DST: variants seen among roughly 807,000 people sequenced by gnomAD.
The protein encoded by DST is bullous pemphigoid antigen.
A neutral mutation model predicts 875.2 loss-of-function variants in DST; 253 were observed. The observed-to-expected ratio is 0.29, with a 90% CI of 0.26 to 0.32. The LOEUF (loss-of-function observed/expected upper bound fraction) is 0.32. Among genes scored for constraint, DST ranks in the 10% least tolerant of loss-of-function variants. The pLI, the probability that DST is intolerant of heterozygous loss-of-function variation, is 1.00. For synonymous variants in DST, 3,124 were observed against 3,197.1 expected (o/e 0.98, Z 0.77); for missense variants, 8,287 against 9,111.6 (o/e 0.91, Z 3.68).
At chr6:56,664,747 C>A (rs935920797) in intron 10 of DST, among the ~76,000 whole-genome samples, 5 of 151,982 alleles carry the variant, frequency 3.3e-5, no homozygotes, top group African/African-American at 1.2e-4. Context: ...GATATCTTAC[C>A]AGTTGTGGTT....
At chr6:56,851,142 A>C (rs775670030) in intron 4 of DST, 1 of 520,794 alleles carries the variant, frequency 1.9e-6, no homozygotes. Flanking sequence ...ATGTCTGTAA[A>C]TATTTCCTTG....
In DST at chr6:56,631,933, G is replaced by T. The variant is rs756379041; in HGVS notation, c.3913C>A (p.Leu1305Met). Residue 1305 changes from leucine (L) to methionine (M), a missense_variant, in exon 29 of 104, where the codon CTG becomes ATG. By Grantham distance (15) the Leu-to-Met change is conservative (BLOSUM62 2). Around this residue, in one of 10 missense-constraint regions of DST, gnomAD observed 3,138 missense variants for 3,116.6 expected, o/e 1.01. Coordinates refer to ENST00000680361, the MANE Select transcript of DST (RefSeq NM_001374736.1). ...CTTTCATGCAAATCATCTCTTTCCAGGGGAGTTCGAATCTGTCTAATCAGC... is the reference window on the plus strand; with the variant it reads ...CTTTCATGCAAATCATCTCTTTCCATGGGAGTTCGAATCTGTCTAATCAGC... The part of the protein sequence containing the change: ...DRLIRQIRTP[L>M]ERDDLHESVF... 5 of 1,613,824 alleles carry T rather than the reference G, an allele frequency of 3.1e-6. No homozygotes were observed. In the African/African-American group the frequency reaches 6.7e-5, roughly 22 times the overall value.
intron 11 of DST, 37 bp downstream of exon 11, chr6:56,651,095 T>C (rs2098973459): frequency 6.3e-7 from 1 of 1,589,870 alleles, no homozygotes; most frequent in Non-Finnish European, 8.6e-7. Context: ...GATCAGACTT[T>C]CATGCCAGTC....
rs2096328571 is a variant in DST at position 56,506,757 on chromosome 6, C to A, written c.19272G>T (p.Glu6424Asp). The change falls in exon 76 of 104, where the codon GAG becomes GAT. Residue 6424 changes from glutamate (E) to aspartate (D), a missense_variant. This residue lies in a region of DST where 1,292 missense variants were observed against 1,552.7 expected (regional missense o/e 0.83). Transcript: ENST00000680361. ...CTAGGTTAATAACTATATCCAGCTC[C>A]TCCTGTAGTCCATCTATTTCTTCCC... Reference protein sequence around the residue: ...TIREEIDGLQEELDIVINLGS... With the variant: ...TIREEIDGLQDELDIVINLGS... The A allele has an allele frequency of 1.9e-6, 3 of 1,613,218 alleles. No homozygotes were observed. Among genetic ancestry groups the A allele is most frequent in the Non-Finnish European group, 2.5e-6 (3 of 1,179,524 alleles).
chr6:56,672,717 C>T (rs1305392573), intron 9 of DST, among the ~76,000 whole-genome samples: 2 of 152,056 alleles, frequency 1.3e-5, no homozygotes, highest in Admixed American at 6.5e-5. Context: ...AATTCAACAA[C>T]ATTAGCACAG....
chr6:56,920,946 G>A lies in DST; in HGVS notation c.217-20325C>T, dbSNP rs867184515. 3.4e-4 allele frequency among the ~76,000 whole-genome samples: 42 copies of A among 123,342 alleles called. No individual in the cohort carries two copies. In the Admixed American group the frequency reaches 3.5e-3, roughly 10 times the overall value. The allele number at this position is 123,342 out of a possible 152,430, so 80.9% of individuals were successfully genotyped here. A position where few individuals can be genotyped will look rare whatever the true frequency, so the allele number is the denominator to read the frequency against. Reference sequence around the variant, plus strand: ...TTTCACAGAGACAGGGTTTCCCTACGTTGCCCAGGTTGATCTGGAACTCCT... The same window carrying A: ...TTTCACAGAGACAGGGTTTCCCTACATTGCCCAGGTTGATCTGGAACTCCT... On this transcript the variant is annotated intron_variant, in intron 2 of 103. Coordinates refer to ENST00000680361, the MANE Select transcript of DST (RefSeq NM_001374736.1).
At chr6:56,916,874 G>C (rs1258144087) in intron 2 of DST, among the ~76,000 whole-genome samples, 1 of 146,838 alleles carries the variant, frequency 6.8e-6, no homozygotes, top group Admixed American at 6.9e-5. Flanking sequence ...GGAGTTCCAG[G>C]CAGGATTTCA....
chr6:56,943,139 T>C (rs559510912), intron 2 of DST, among the ~76,000 whole-genome samples: 1 of 152,312 alleles, frequency 6.6e-6, no homozygotes, highest in Admixed American at 6.5e-5. Flanking sequence ...GCATAAATTA[T>C]ACATAAAAAT....
chr6:56,750,036 C>T (rs1278492659), intron 4 of DST, among the ~76,000 whole-genome samples: 1 of 152,162 alleles, frequency 6.6e-6, no homozygotes, highest in Admixed American at 6.5e-5. Context: ...CCTCTCCCTG[C>T]AGCCACACCC....
At chr6:56,544,198 T>C (rs1046892944) in intron 61 of DST, among the ~76,000 whole-genome samples, 4 of 152,176 alleles carry the variant, frequency 2.6e-5, no homozygotes, top group South Asian at 2.1e-4. Context: ...TGGGAAATAG[T>C]AGAGGCCAAG....
chr6:56,820,803 A>AG (rs1018246079), intron 4 of DST, among the ~76,000 whole-genome samples: 2 of 152,042 alleles, frequency 1.3e-5, no homozygotes, highest in Admixed American at 6.6e-5. Context: ...TCTTTTTCAC[A>AG]GAAAAAAAAA....
At chr6:56,639,804 T>A (rs2098870952) in intron 19 of DST, 31 bp from the exon 20 acceptor site, 1 of 1,604,208 alleles carries the variant, frequency 6.2e-7, no homozygotes, top group African/African-American at 1.3e-5. Context: ...GACACTCCAG[T>A]CAGGAATCTG....
chr6:56,566,006 C>G (rs975993968), intron 55 of DST, among the ~76,000 whole-genome samples: 1 of 152,194 alleles, frequency 6.6e-6, no homozygotes, highest in South Asian at 2.1e-4. Flanking sequence ...GAGGGGAAAA[C>G]CACCTACTCA....
chr6:56,783,296 A>T (rs553495357), intron 4 of DST, among the ~76,000 whole-genome samples: 1 of 152,144 alleles, frequency 6.6e-6, no homozygotes, highest in Admixed American at 6.5e-5. Context: ...TTTCTGTCTC[A>T]TTGATCTGTC....
At chr6:56,552,079 A>G in intron 61 of DST, 105 bp downstream of exon 61, 1 of 1,279,202 alleles carries the variant, frequency 7.8e-7, no homozygotes, top group Non-Finnish European at 1.1e-6. Flanking sequence ...ATATTGTATG[A>G]CAATCATTAT....
At chr6:56,617,971 G>C in intron 36 of DST, 1 of 1,606,392 alleles carries the variant, frequency 6.2e-7, no homozygotes, top group Non-Finnish European at 8.5e-7. Flanking sequence ...TAAGGTCTCA[G>C]AACACAGAGT....
intron 87 of DST, among the ~76,000 whole-genome samples, chr6:56,486,302 G>C (rs1023190390): frequency 7.0e-6 from 1 of 142,550 alleles, no homozygotes; most frequent in Non-Finnish European, 1.5e-5. Flanking sequence ...GGCAGAGCTC[G>C]CAGTGAGCCG....
At chr6:56,624,941 T>C (rs1348157317) in intron 35 of DST, among the ~76,000 whole-genome samples, 2 of 152,090 alleles carry the variant, frequency 1.3e-5, no homozygotes, top group Admixed American at 6.6e-5. Flanking sequence ...GGGTGTAGAC[T>C]TTCTCTTTGG....
At chr6:56,921,998 G>A (rs946457619) in intron 2 of DST, among the ~76,000 whole-genome samples, 3 of 151,980 alleles carry the variant, frequency 2.0e-5, no homozygotes, top group Admixed American at 6.6e-5. Context: ...TGCTGTTTAC[G>A]AAATTATTTC....
Sources: allele counts gnomAD v4.1 joint callset (sites outside exome capture counted in the v4.1 genomes callset), GRCh38; gene constraint gnomAD v4.1.1; regional missense constraint gnomAD v4.1.1; transcripts MANE v1.5; gene names NCBI Gene and HGNC (gene_info 2026-07-23, HGNC 2026-07-21).